The following PCNX1 variants were observed in gnomAD, a reference collection of about 807,000 sequenced individuals.
The protein encoded by PCNX1 is pecanex-like protein 1.
Under a neutral mutation model 242.2 loss-of-function variants are expected in PCNX1, and 78 were observed. That is an observed-to-expected ratio of 0.32 (90% confidence interval 0.27 to 0.39). The LOEUF is 0.39. Ranked by LOEUF, PCNX1 falls within the 10% of genes least tolerant of loss-of-function variation. The pLI is 1.00. For synonymous variants in PCNX1, 1,024 were observed against 1,032.9 expected (o/e 0.99, Z 0.17); for missense variants, 2,581 against 2,856.5 (o/e 0.90, Z 2.20).
chr14:70,928,332 A>C (rs2056666262), intron 1 of PCNX1, among the ~76,000 whole-genome samples: 1 of 152,204 alleles, frequency 6.6e-6, no homozygotes, highest in Admixed American at 6.5e-5. Context: ...TTTGTTAATG[A>C]ATGCTTACTT....
chr14:71,034,561 G>T (rs993944525), intron 18 of PCNX1, among the ~76,000 whole-genome samples: 2 of 152,110 alleles, frequency 1.3e-5, no homozygotes, highest in Non-Finnish European at 2.9e-5. Context: ...TTCTAATTTG[G>T]TGAATTGTAA....
intron 2 of PCNX1, among the ~76,000 whole-genome samples, chr14:70,948,954 C>T (rs944121191): frequency 2.1e-5 from 3 of 145,388 alleles, no homozygotes; most frequent in Non-Finnish European, 3.0e-5. Context: ...TATACACATA[C>T]GTATATGTGT....
At chr14:71,101,756 A>G (rs2062467404) in intron 30 of PCNX1, among the ~76,000 whole-genome samples, 1 of 152,206 alleles carries the variant, frequency 6.6e-6, no homozygotes, top group South Asian at 2.1e-4. Context: ...ATGTTTATTC[A>G]TCTAGAACTT....
intron 2 of PCNX1, among the ~76,000 whole-genome samples, chr14:70,947,856 C>G (rs1042105707): frequency 2.0e-5 from 3 of 152,126 alleles, no homozygotes. Flanking sequence ...AATTCTTTTT[C>G]TTAGCAAGGA....
At chr14:71,050,926 TG>T (rs1252167448) in intron 23 of PCNX1, among the ~76,000 whole-genome samples, 166 bp downstream of exon 23, 1 of 152,092 alleles carries the variant, frequency 6.6e-6, no homozygotes, top group Non-Finnish European at 1.5e-5. Context: ...CCCAGCACTC[TG>T]GGAGGCCGAG....
chr14:71,013,336 A>G (rs2059873838), intron 11 of PCNX1, 134 bp downstream of exon 11: 3 of 753,202 alleles, frequency 4.0e-6, no homozygotes, highest in Admixed American at 3.8e-5. Flanking sequence ...CTGGATATAA[A>G]ACTTAAGGTA....
chr14:70,923,184 C>T (rs2056445964), intron 1 of PCNX1, among the ~76,000 whole-genome samples: 1 of 151,836 alleles, frequency 6.6e-6, no homozygotes, highest in Non-Finnish European at 1.5e-5. Flanking sequence ...TGTGAGAGTT[C>T]TATATATATG....
At position 70,978,549 on chromosome 14, in the gene PCNX1, G is replaced by A; in HGVS notation, c.2212G>A (p.Gly738Arg). Residue 738 changes from glycine (G) to arginine (R), a missense_variant, in exon 6 of 36, where the codon GGA becomes AGA. By Grantham distance (125) the Gly-to-Arg change is moderately radical. This residue lies in a region of PCNX1 where 1,204 missense variants were observed against 1,216.7 expected (regional missense o/e 0.99). Transcript: ENST00000304743. ...GEVLDELSLL[G>R]RASQLETVTR... Reference sequence around the variant, plus strand: ...GGTGCTAGATGAGCTATCTTTATTAGGACGGGCTTCCCAGTTAGAGACAGT... The same window carrying A: ...GGTGCTAGATGAGCTATCTTTATTAAGACGGGCTTCCCAGTTAGAGACAGT... The A allele has an allele frequency of 6.2e-7, 1 of 1,614,128 alleles. No individual in the cohort carries two copies. Among genetic ancestry groups the A allele is most frequent in the Non-Finnish European group, 8.5e-7 (1 of 1,179,996 alleles).
At chr14:70,990,258 T>TA (rs199782904) in intron 7 of PCNX1, among the ~76,000 whole-genome samples, 2,159 of 151,112 alleles carry the variant, frequency 0.014, 20 homozygotes, top group Middle Eastern at 0.031. Context: ...TCTTTTAAAT[T>TA]AAAAAAAAAT....
rs28742977 is a variant in PCNX1, at chr14:70,978,539, A to C, written c.2202A>C (p.Leu734=). Residue 734 remains leucine (L), a synonymous_variant, in exon 6 of 36, where the codon CTA becomes CTC. Transcript: ENST00000304743. Reference sequence around the variant, plus strand: ...AAGAGGGAGAGGTGCTAGATGAGCTATCTTTATTAGGACGGGCTTCCCAGT... The same window carrying C: ...AAGAGGGAGAGGTGCTAGATGAGCTCTCTTTATTAGGACGGGCTTCCCAGT... ...EAKEGEVLDE[L]SLLGRASQLE... 1.9e-6 allele frequency: 3 copies of C among 1,614,160 alleles called. No homozygotes were observed. The African/African-American group carries it at 4.0e-5, about 22-fold the overall frequency.
At chr14:70,908,030 G>C in intron 1 of PCNX1, 27 bp downstream of exon 1, 1 of 1,534,678 alleles carries the variant, frequency 6.5e-7, no homozygotes, top group African/African-American at 1.4e-5. Flanking sequence ...GGAGCGGGTG[G>C]CTCCTTCCCC....
intron 1 of PCNX1, among the ~76,000 whole-genome samples, chr14:70,940,743 C>T (rs919637055): frequency 6.6e-6 from 1 of 152,208 alleles, no homozygotes; most frequent in African/African-American, 2.4e-5. Flanking sequence ...GTGCCATTCT[C>T]CCTGTCACTT....
chr14:71,016,996 A>T (rs1463165288), intron 11 of PCNX1, among the ~76,000 whole-genome samples: 1 of 152,178 alleles, frequency 6.6e-6, no homozygotes, highest in Non-Finnish European at 1.5e-5. Context: ...ATCAGAAAAA[A>T]ACAAAAGAAG....
At chr14:70,988,763 C>G in intron 7 of PCNX1, 64 bp downstream of exon 7, 1 of 1,525,502 alleles carries the variant, frequency 6.6e-7, no homozygotes, top group Non-Finnish European at 9.0e-7. Flanking sequence ...TCTGTTCCGC[C>G]AGTCCCAAGA....
chr14:70,982,005 A>G (rs1470706317), intron 6 of PCNX1, among the ~76,000 whole-genome samples: 1 of 152,206 alleles, frequency 6.6e-6, no homozygotes, highest in African/African-American at 2.4e-5. Flanking sequence ...TAAGCATGAA[A>G]TAGGATCCTA....
At chr14:71,017,046 T>C (rs538019444) in intron 11 of PCNX1, among the ~76,000 whole-genome samples, 2 of 152,306 alleles carry the variant, frequency 1.3e-5, no homozygotes, top group Admixed American at 6.5e-5. Flanking sequence ...ATGTGAGTTA[T>C]GATATCACTA....
chr14:70,966,518 C>T (rs2058383017), intron 3 of PCNX1, among the ~76,000 whole-genome samples: 1 of 152,172 alleles, frequency 6.6e-6, no homozygotes, highest in Admixed American at 6.5e-5. Context: ...CACACAAAGA[C>T]GTTTTCCTGA....
At position 70,946,954 on chromosome 14, in the gene PCNX1, C is replaced by T; in HGVS notation, c.193C>T (p.Pro65Ser). The T allele has an allele frequency of 6.2e-7, 1 of 1,613,446 alleles. No homozygotes were observed. The highest frequency in any genetic ancestry group is 1.3e-5 in the African/African-American group (1 of 75,014). The stretch of plus-strand genomic sequence containing the variant: ...CATGATTATAGTAGCAGTTTATTGT[C>T]CTGTGATAGCTGCTGTTTTCATTGT... ...STMIIVAVYC[P>S]VIAAVFIVLK... Residue 65 changes from proline (P) to serine (S), a missense_variant, in exon 2 of 36, where the codon CCT becomes TCT. Transcript: ENST00000304743.
intron 1 of PCNX1, among the ~76,000 whole-genome samples, chr14:70,917,915 C>G (rs1021310066): frequency 4.6e-5 from 7 of 152,226 alleles, no homozygotes; most frequent in Non-Finnish European, 8.8e-5. Flanking sequence ...TTCTGGATAA[C>G]TTGCTGCAGC....
Sources: gnomAD v4.1 joint callset for allele counts (sites outside exome capture counted in the v4.1 genomes callset) on GRCh38, gnomAD v4.1.1 for gene constraint, gnomAD v4.1.1 regional missense constraint, MANE v1.5 for transcripts, NCBI Gene and HGNC (gene_info 2026-07-23, HGNC 2026-07-21) for gene names.